Variants in C11orf65 observed in about 807,000 individuals in gnomAD.
C11orf65 encodes the protein protein MFI.
C11orf65 carries 38 observed loss-of-function variants against 35.3 expected under a neutral mutation model. The ratio of observed to expected loss-of-function variants is 1.08; its 90% CI spans 0.83 to 1.41. The LOEUF (loss-of-function observed/expected upper bound fraction) is 1.41, where lower values mean the gene tolerates loss of function less well. Among genes scored for constraint, C11orf65 ranks in the 40% most tolerant of loss-of-function variants. The pLI, the probability that C11orf65 is intolerant of heterozygous loss-of-function variation, is 0.00. For missense variants in C11orf65, 370 were observed against 367.1 expected, an observed-to-expected ratio of 1.01 and a Z score of -0.06; for synonymous variants, 105 against 114.4, an observed-to-expected ratio of 0.92 and a Z score of 0.53.
chr11:108,309,236 C>A (rs1252515176), intron 6 of C11orf65, among the ~76,000 whole-genome samples: 1 of 152,146 alleles, frequency 6.6e-6, no homozygotes, highest in Non-Finnish European at 1.5e-5. Flanking sequence ...TGTCTTTGAA[C>A]CTCAGTCTTA....
chr11:108,377,510 C>T (rs1306528276), intron 2 of C11orf65, among the ~76,000 whole-genome samples: 2 of 152,046 alleles, frequency 1.3e-5, no homozygotes, highest in Admixed American at 1.3e-4. Context: ...TATGACAGTC[C>T]CACAGCCAAT....
At chr11:108,419,241 C>A (rs1481163072) in intron 3 of C11orf65, among the ~76,000 whole-genome samples, 1 of 152,102 alleles carries the variant, frequency 6.6e-6, no homozygotes, top group African/African-American at 2.4e-5. Context: ...AAACTAAATT[C>A]AGTGATATTT....
In C11orf65 at chr11:108,356,939, G is replaced by A. The variant is rs575938692; in HGVS notation, c.227-21647C>T. ...CTTTAAACACACCCTCCGGGAGGAG[G>A]AGCCAAGATGGCCGAATAGGAACAG... On this transcript the variant is annotated intron_variant, in intron 2 of 3. Coordinates refer to the C11orf65 transcript ENST00000524755. Among the ~76,000 whole-genome samples, 155 of 152,294 alleles carry A rather than the reference G, an allele frequency of 1.0e-3. 1 individual carries two copies. In the Middle Eastern group the frequency reaches 0.024, roughly 23 times the overall value.
intron 2 of C11orf65, among the ~76,000 whole-genome samples, chr11:108,360,483 GAC>G (rs2090595146): frequency 8.2e-6 from 1 of 121,860 alleles, no homozygotes; most frequent in Non-Finnish European, 1.7e-5. Flanking sequence ...GCCGGGCAGA[GAC>G]ACAACCAAAA....
downstream of C11orf65, chr11:108,327,643 A>T (rs587782403): frequency 6.2e-7 from 1 of 1,612,802 alleles, no homozygotes; most frequent in Admixed American, 1.7e-5. Flanking sequence ...TTTCTTATAC[A>T]GAACAATCCC....
At chr11:108,341,346 TTCTC>T (rs746836462) in intron 2 of C11orf65, among the ~76,000 whole-genome samples, 1 of 152,118 alleles carries the variant, frequency 6.6e-6, no homozygotes, top group Non-Finnish European at 1.5e-5. Flanking sequence ...ATTACCCACT[TTCTC>T]TCTTTTTTAA....
At chr11:108,317,704 GTGTA>G (rs1325310606) in intron 6 of C11orf65, among the ~76,000 whole-genome samples, 2 of 144,768 alleles carry the variant, frequency 1.4e-5, no homozygotes, top group South Asian at 2.2e-4. Context: ...TATATATAGT[GTGTA>G]TGTGTGTATA....
At position 108,332,886 on chromosome 11, in the gene C11orf65, G is replaced by A. The variant is rs377349459; in HGVS notation, c.300-1319C>T. 7.4e-6 allele frequency: 12 copies of A among 1,612,586 alleles called. No individual in the cohort carries two copies. The African/African-American group carries it at 1.3e-4, about 18-fold the overall frequency. ...TTAGCAAACTTAGATGCCACTCAGT[G>A]GAAGACTCAGAGAAGTATGTTTTTT... On this transcript the variant is annotated intron_variant, in intron 3 of 3. Coordinates refer to the C11orf65 transcript ENST00000524755.
chr11:108,403,888 G>C (rs182609357), intron 6 of C11orf65, among the ~76,000 whole-genome samples: 3 of 151,892 alleles, frequency 2.0e-5, no homozygotes, highest in Non-Finnish European at 4.4e-5. Flanking sequence ...AGCAGTGGCT[G>C]GGGGGAAAGG....
At chr11:108,387,763 A>G in intron 7 of C11orf65, among the ~76,000 whole-genome samples, 1 of 152,092 alleles carries the variant, frequency 6.6e-6, no homozygotes, top group East Asian at 1.9e-4. Context: ...CTTGGGCTCA[A>G]GTGATCCACC....
intron 2 of C11orf65, among the ~76,000 whole-genome samples, chr11:108,444,874 T>G (rs529099059): frequency 2.0e-5 from 3 of 152,144 alleles, no homozygotes; most frequent in Non-Finnish European, 4.4e-5. Flanking sequence ...GGGTGACAGA[T>G]GGCACCTGGA....
At chr11:108,328,136 G>T (rs936541993), downstream of C11orf65, among the ~76,000 whole-genome samples, 5 of 152,130 alleles carry the variant, frequency 3.3e-5, no homozygotes. Flanking sequence ...CAATATACTA[G>T]CCCCTTTGAC....
chr11:108,346,060 A>G, intron 2 of C11orf65: 1 of 835,126 alleles, frequency 1.2e-6, no homozygotes, highest in Non-Finnish European at 1.9e-6. Context: ...ATTAAATCAT[A>G]TGTTTCTTGT....
chr11:108,448,788 A>G (rs898641920), intron 2 of C11orf65, among the ~76,000 whole-genome samples: 4 of 152,182 alleles, frequency 2.6e-5, no homozygotes, highest in African/African-American at 9.7e-5. Context: ...GGCCAGGGCA[A>G]TTAGGCAGGA....
chr11:108,439,358 C>A (rs938484440), intron 2 of C11orf65, among the ~76,000 whole-genome samples: 1 of 152,182 alleles, frequency 6.6e-6, no homozygotes, highest in Admixed American at 6.5e-5. Context: ...TATAGAGCAA[C>A]TGGAAACCTT....
At chr11:108,312,321 A>C in intron 6 of C11orf65, 1 of 934,400 alleles carries the variant, frequency 1.1e-6, no homozygotes, top group Admixed American at 1.8e-5. Context: ...CACCTTCATT[A>C]GTTTTTTTCT....
At chr11:108,369,200 T>G (rs1362066808) in intron 2 of C11orf65, 1 of 155,246 alleles carries the variant, frequency 6.4e-6, no homozygotes, top group Non-Finnish European at 1.4e-5. Flanking sequence ...GCAGGCATAG[T>G]CTGCCTATAT....
chr11:108,375,918 T>C lies in C11orf65; in HGVS notation c.226+17290A>G, dbSNP rs549520033. On this transcript the variant is annotated intron_variant, in intron 2 of 3. Coordinates refer to the C11orf65 transcript ENST00000524755. ...CATTACATAATGGTAAAGGGATCAA[T>C]TCAACAAGAAGAGCTAACTATCCTA... 7.2e-5 allele frequency among the ~76,000 whole-genome samples: 11 copies of C among 152,264 alleles called. No individual in the cohort carries two copies. The East Asian group carries it at 2.1e-3, about 29-fold the overall frequency.
At chr11:108,332,798 A>T (rs779400418) in intron 3 of C11orf65, 1 of 1,613,454 alleles carries the variant, frequency 6.2e-7, no homozygotes, top group Non-Finnish European at 8.5e-7. Context: ...AATATGTACT[A>T]TCAGAAGTAG....
Sources: gnomAD v4.1 joint callset for allele counts (sites outside exome capture counted in the v4.1 genomes callset) on GRCh38, gnomAD v4.1.1 for gene constraint, MANE v1.5 for transcripts, NCBI Gene and HGNC (gene_info 2026-07-23, HGNC 2026-07-21) for gene names.